IGSF5: variants seen among roughly 807,000 people sequenced by gnomAD.
IGSF5 encodes immunoglobulin superfamily member 5.
A neutral mutation model predicts 39.4 loss-of-function variants in IGSF5; 41 were observed. The observed-to-expected ratio is 1.04, with a 90% CI of 0.81 to 1.35. The LOEUF is 1.35. Ranked by LOEUF, IGSF5 falls within the 40% of genes most tolerant of loss-of-function variation. The pLI is 0.00. For synonymous variants in IGSF5, 183 were observed against 175.3 expected (o/e 1.04, Z -0.34); for missense variants, 487 against 494.6 (o/e 0.98, Z 0.15).
the IGSF5 span, chr21:39,726,015 G>C: frequency 3.3e-5 from 5 of 152,250 alleles, no homozygotes; most frequent in Non-Finnish European, 4.4e-5. Flanking sequence ...GTCTCAGAGA[G>C]TGGTTGATGT....
intron 3 of IGSF5, among the ~76,000 whole-genome samples, chr21:39,767,526 T>C (rs1214019624): frequency 6.6e-6 from 1 of 152,180 alleles, no homozygotes; most frequent in African/African-American, 2.4e-5. Context: ...GCTGCCGTGG[T>C]GTCAAATGAG....
At chr21:39,728,179 C>T in the IGSF5 span, among the ~76,000 whole-genome samples, 1 of 152,140 alleles carries the variant, frequency 6.6e-6, no homozygotes, top group African/African-American at 2.4e-5. Flanking sequence ...AAGATATGTT[C>T]ACGTCCCAAC....
At chr21:39,753,480 CTG>C (rs1318903093) in intron 2 of IGSF5, among the ~76,000 whole-genome samples, 3 of 152,120 alleles carry the variant, frequency 2.0e-5, no homozygotes, top group African/African-American at 7.2e-5. Flanking sequence ...CTGTAAATAT[CTG>C]TAAGTTCCAT....
At chr21:39,726,808 G>A in the IGSF5 span, among the ~76,000 whole-genome samples, 1 of 152,164 alleles carries the variant, frequency 6.6e-6, no homozygotes, top group Non-Finnish European at 1.5e-5. Context: ...ATCTCAAACA[G>A]AAACCTGCAT....
At chr21:39,714,563 C>T in the IGSF5 span, among the ~76,000 whole-genome samples, 771 of 152,006 alleles carry the variant, frequency 5.1e-3, 7 homozygotes, top group African/African-American at 0.018. Flanking sequence ...AGCCTGAGGG[C>T]TGGCTCCTCT....
At chr21:39,767,872 C>CA (rs2080094502) in intron 3 of IGSF5, among the ~76,000 whole-genome samples, 1 of 152,166 alleles carries the variant, frequency 6.6e-6, no homozygotes, top group Admixed American at 6.5e-5. Context: ...GGAGATGTGC[C>CA]TTCCAGGTCT....
the IGSF5 span, among the ~76,000 whole-genome samples, chr21:39,734,921 C>T: frequency 8.2e-4 from 124 of 151,842 alleles, no homozygotes; most frequent in Admixed American, 1.7e-3. Flanking sequence ...TGGAGTGCAG[C>T]GGCATGATCT....
chr21:39,727,747 A>G, the IGSF5 span: 1 of 152,134 alleles, frequency 6.6e-6, no homozygotes, highest in Non-Finnish European at 1.5e-5. Flanking sequence ...GAACAATCTG[A>G]GAAGAACGAG....
the IGSF5 span, chr21:39,730,509 T>G: frequency 6.6e-6 from 1 of 152,140 alleles, no homozygotes; most frequent in Non-Finnish European, 1.5e-5. Flanking sequence ...GATGTCAAAG[T>G]AAATTTAATT....
chr21:39,730,415 G>A, the IGSF5 span: 2 of 152,102 alleles, frequency 1.3e-5, no homozygotes, highest in Admixed American at 6.5e-5. Context: ...ACATTCTGAG[G>A]AACTGTGGGT....
intron 6 of IGSF5, 28 bp downstream of exon 6, chr21:39,788,216 GAAAAC>G (rs752833487): frequency 6.5e-7 from 1 of 1,540,064 alleles, no homozygotes; most frequent in African/African-American, 1.4e-5. Context: ...TCTATTTTCT[GAAAAC>G]AAAACAAAAA....
At position 39,792,038 on chromosome 21, in the gene IGSF5, A is replaced by G; in HGVS notation, c.987A>G (p.Glu329=). Residue 329 remains glutamate (E), a synonymous_variant, in exon 7 of 9, where the codon GAA becomes GAG. Coordinates refer to ENST00000380588, the MANE Select transcript of IGSF5 (RefSeq NM_001080444.2). ...KKSEKEKTNK[E]TETESGNENS... The stretch of plus-strand genomic sequence containing the variant: ...CTGAAAAAGAGAAGACAAACAAAGA[A>G]ACTGAGACAGAAAGTGGAAATGAAA... 1 of 1,610,624 alleles carries G rather than the reference A, an allele frequency of 6.2e-7. No individual in the cohort carries two copies. Among genetic ancestry groups the G allele is most frequent in the Non-Finnish European group, 8.5e-7 (1 of 1,178,252 alleles).
At chr21:39,800,026 A>G (rs544523345) in intron 8 of IGSF5, among the ~76,000 whole-genome samples, 2 of 152,282 alleles carry the variant, frequency 1.3e-5, no homozygotes, top group African/African-American at 2.4e-5. Flanking sequence ...CCTGTTGGTG[A>G]AACAGAATGA....
At chr21:39,779,401 TTAAC>T in intron 5 of IGSF5, 96 bp downstream of exon 5, 10 of 1,417,136 alleles carry the variant, frequency 7.1e-6, no homozygotes, top group Non-Finnish European at 1.9e-6. Context: ...AAAAGATAGA[TTAAC>T]TACAATATCA....
At chr21:39,719,638 G>T in the IGSF5 span, among the ~76,000 whole-genome samples, 1 of 152,230 alleles carries the variant, frequency 6.6e-6, no homozygotes, top group Non-Finnish European at 1.5e-5. Context: ...AGAATCCATA[G>T]ATTCCTGTGC....
At chr21:39,764,287 A>G (rs2080074963) in intron 2 of IGSF5, among the ~76,000 whole-genome samples, 1 of 152,184 alleles carries the variant, frequency 6.6e-6, no homozygotes, top group Non-Finnish European at 1.5e-5. Context: ...TGTGTGTCCA[A>G]CGGTGTGATT....
At position 39,745,299 on chromosome 21, in the gene IGSF5, G is replaced by A. The variant is rs113069538; in HGVS notation, c.-211G>A. 0.017 allele frequency: 7,388 copies of A among 443,696 alleles called. 444 individuals are homozygous for A. The highest frequency in any genetic ancestry group is 0.13 in the African/African-American group (6,606 of 49,834). The allele number at this position is 443,696 out of a possible 1,614,324, so 27.5% of individuals were successfully genotyped here. ...GCTGTATACCTAAATTAGGAGGGAC[G>A]CCAGGGATAAGACTCCCTGGGCTAT... On this transcript the variant is annotated 5_prime_UTR_variant, in exon 1 of 9. Coordinates refer to ENST00000380588, the MANE Select transcript of IGSF5 (RefSeq NM_001080444.2).
At chr21:39,744,437 G>A (rs1045164320), upstream of IGSF5, among the ~76,000 whole-genome samples, 7 of 152,338 alleles carry the variant, frequency 4.6e-5, no homozygotes, top group Admixed American at 6.5e-5. Context: ...CAAACAGCTC[G>A]CACATTTGAG....
chr21:39,712,354 T>C, the IGSF5 span, among the ~76,000 whole-genome samples: 14 of 152,172 alleles, frequency 9.2e-5, no homozygotes, highest in Admixed American at 9.2e-4. Context: ...AGGCAAGTCG[T>C]GCAGGATTCA....
Sources: allele counts gnomAD v4.1 joint callset (sites outside exome capture counted in the v4.1 genomes callset), GRCh38; gene constraint gnomAD v4.1.1; transcripts MANE v1.5; gene names NCBI Gene and HGNC (gene_info 2026-07-23, HGNC 2026-07-21).